ROBO2: variants seen among roughly 807,000 people sequenced by gnomAD.
ROBO2 encodes the protein roundabout guidance receptor 2.
A neutral mutation model predicts 160.8 loss-of-function variants in ROBO2; 53 were observed. The observed-to-expected ratio is 0.33, with a 90% CI of 0.26 to 0.41. ROBO2 has a LOEUF of 0.41. Among genes scored for constraint, ROBO2 ranks in the 10% least tolerant of loss-of-function variants. The pLI is 1.00. For synonymous variants in ROBO2, 664 were observed against 611.7 expected (o/e 1.09, Z -1.26); for missense variants, 1,577 against 1,722.4 (o/e 0.92, Z 1.49).
chr3:76,997,407 T>C (rs1228524616), intron 2 of ROBO2, among the ~76,000 whole-genome samples: 1 of 152,150 alleles, frequency 6.6e-6, no homozygotes, highest in African/African-American at 2.4e-5. Flanking sequence ...ATATGTGAAG[T>C]CAGTTGTGGG....
At chr3:77,537,273 GT>G (rs112386200) in intron 6 of ROBO2, among the ~76,000 whole-genome samples, 3 of 151,904 alleles carry the variant, frequency 2.0e-5, no homozygotes, top group East Asian at 3.9e-4. Flanking sequence ...ATAATTGAGA[GT>G]TTTTTTTGTG....
chr3:77,371,750 A>T (rs2071781740), intron 2 of ROBO2, among the ~76,000 whole-genome samples: 1 of 152,218 alleles, frequency 6.6e-6, no homozygotes, highest in Admixed American at 6.5e-5. Context: ...TATTTCAGTT[A>T]TCAAACCTAA....
At chr3:76,115,179 C>T (rs7639460) in intron 2 of ROBO2, among the ~76,000 whole-genome samples, 15,604 of 152,090 alleles carry the variant, frequency 0.1, 1,852 homozygotes, top group African/African-American at 0.28. Flanking sequence ...AGAACTGATA[C>T]TAGTGGGGCA....
intron 2 of ROBO2, among the ~76,000 whole-genome samples, chr3:76,859,632 G>A (rs1458410426): frequency 1.3e-5 from 2 of 152,132 alleles, no homozygotes; most frequent in East Asian, 1.9e-4. Context: ...GGACCCTGAG[G>A]ATGTGGTGAG....
chr3:76,205,408 G>C lies in ROBO2; in HGVS notation c.109+267806G>C, dbSNP rs147242189. On this transcript the variant is annotated intron_variant, in intron 2 of 26. Coordinates refer to the ROBO2 transcript ENST00000487694. ...AGTGGGCAAGTGGAGCAACCTGGCT[G>C]CACTAGATCAAGAAGCATCACACTC... Among the ~76,000 whole-genome samples the C allele has an allele frequency of 5.9e-3, 900 of 152,196 alleles. 30 individuals are homozygous for C. The highest frequency in any genetic ancestry group is 0.048 in the Admixed American group (731 of 15,272).
intron 2 of ROBO2, among the ~76,000 whole-genome samples, chr3:76,724,686 C>T (rs150767647): frequency 6.6e-5 from 10 of 152,160 alleles, no homozygotes; most frequent in Admixed American, 2.6e-4. Context: ...TAAATATGTC[C>T]GTAGTAGGCT....
intron 2 of ROBO2, among the ~76,000 whole-genome samples, chr3:77,320,027 T>C (rs1489402328): frequency 6.6e-6 from 1 of 152,202 alleles, no homozygotes; most frequent in Non-Finnish European, 1.5e-5. Flanking sequence ...TCACATGGAA[T>C]ATGAATTCAC....
chr3:76,998,164 G>A (rs1219880947), intron 2 of ROBO2, among the ~76,000 whole-genome samples: 3 of 152,112 alleles, frequency 2.0e-5, no homozygotes, highest in Non-Finnish European at 4.4e-5. Flanking sequence ...ACAGTACATA[G>A]TTATTATACT....
chr3:76,395,641 T>A (rs2077400252), intron 2 of ROBO2, among the ~76,000 whole-genome samples: 1 of 151,670 alleles, frequency 6.6e-6, no homozygotes, highest in African/African-American at 2.4e-5. Context: ...AAAGGGGATA[T>A]CACAACCGAT....
At chr3:76,071,368 A>T (rs1364838141) in intron 2 of ROBO2, among the ~76,000 whole-genome samples, 1 of 152,174 alleles carries the variant, frequency 6.6e-6, no homozygotes, top group East Asian at 1.9e-4. Context: ...ATCCTACTTA[A>T]TTACTACAGA....
chr3:77,466,433 G>A (rs150022321), intron 2 of ROBO2, among the ~76,000 whole-genome samples: 15 of 152,198 alleles, frequency 9.9e-5, no homozygotes, highest in African/African-American at 1.9e-4. Flanking sequence ...AACATAAACC[G>A]TGTACTCTCA....
intron 2 of ROBO2, among the ~76,000 whole-genome samples, chr3:76,130,257 A>G (rs897391972): frequency 1.3e-5 from 2 of 152,080 alleles, no homozygotes; most frequent in African/African-American, 4.8e-5. Context: ...CAAGACTTGC[A>G]TTTGGATATT....
At chr3:76,292,724 A>G (rs139833650) in intron 2 of ROBO2, among the ~76,000 whole-genome samples, 3 of 152,332 alleles carry the variant, frequency 2.0e-5, no homozygotes, top group African/African-American at 4.8e-5. Context: ...TGAATAAAGA[A>G]AGATAATTTT....
At chr3:76,195,639 G>A (rs147082633) in intron 2 of ROBO2, among the ~76,000 whole-genome samples, 5 of 152,132 alleles carry the variant, frequency 3.3e-5, no homozygotes, top group African/African-American at 9.7e-5. Flanking sequence ...GGATGAAGGG[G>A]ATGCTTAGTA....
At chr3:77,591,939 T>G (rs971150263) in intron 17 of ROBO2, among the ~76,000 whole-genome samples, 1 of 152,216 alleles carries the variant, frequency 6.6e-6, no homozygotes, top group Admixed American at 6.5e-5. Flanking sequence ...AGATATGATT[T>G]CCATTTTAGG....
chr3:77,146,922 A>T (rs945025132), intron 2 of ROBO2, among the ~76,000 whole-genome samples: 8 of 152,144 alleles, frequency 5.3e-5, no homozygotes, highest in Non-Finnish European at 1.5e-5. Context: ...AGCCAAAATT[A>T]CGCCACTGCA....
chr3:75,969,987 G>A (rs1466077883), intron 2 of ROBO2, among the ~76,000 whole-genome samples: 1 of 151,498 alleles, frequency 6.6e-6, no homozygotes, highest in African/African-American at 2.4e-5. Context: ...TGTTTTCTCT[G>A]TGTTTTCTTC....
At chr3:76,666,630 A>C (rs910867638) in intron 2 of ROBO2, among the ~76,000 whole-genome samples, 1 of 152,108 alleles carries the variant, frequency 6.6e-6, no homozygotes, top group Non-Finnish European at 1.5e-5. Context: ...AAAATGAAAA[A>C]AAATACAGTC....
At chr3:76,890,978 A>G (rs1044607316) in intron 2 of ROBO2, among the ~76,000 whole-genome samples, 3 of 152,134 alleles carry the variant, frequency 2.0e-5, no homozygotes, top group African/African-American at 4.8e-5. Context: ...ATTAAGACAA[A>G]TCTTTCTTTT....
Sources: allele counts gnomAD v4.1 joint callset (sites outside exome capture counted in the v4.1 genomes callset), GRCh38; gene constraint gnomAD v4.1.1; transcripts MANE v1.5; gene names NCBI Gene and HGNC (gene_info 2026-07-23, HGNC 2026-07-21).